The following TPR variants were observed in gnomAD, a reference collection of about 807,000 sequenced individuals.
The protein encoded by TPR is translocated promoter region, nuclear basket protein.
In TPR, 51 loss-of-function variants were observed where a neutral mutation model predicts 316.1. The observed-to-expected ratio is 0.16, with a 90% CI of 0.13 to 0.20. The LOEUF (loss-of-function observed/expected upper bound fraction) is 0.20. Among genes scored for constraint, TPR ranks in the 10% least tolerant of loss-of-function variants. The probability of loss-of-function intolerance (pLI) is 1.00; values close to 1 mark genes in which losing one functional copy is unlikely to be tolerated. For synonymous variants in TPR, 981 were observed against 914.7 expected (o/e 1.07, Z -1.31); for missense variants, 2,272 against 2,754.8 (o/e 0.82, Z 3.92).
Position 186,312,218 on chromosome 1 carries a change from G to C in TPR, c.*1753C>G. ...ATATTTATAAACAGGAACCTGTACA[G>C]AAGTGCCCTGGAAGAAGGCCTGCTC... On this transcript the variant is annotated 3_prime_UTR_variant, in exon 51 of 51. Transcript: ENST00000367478. The C allele has an allele frequency of 6.2e-7, 1 of 1,614,008 alleles. No individual in the cohort carries two copies. Among genetic ancestry groups the C allele is most frequent in the Non-Finnish European group, 8.5e-7 (1 of 1,179,954 alleles).
At chr1:186,347,494 T>G in intron 21 of TPR, 36 bp from the exon 22 acceptor site, 1 of 1,602,272 alleles carries the variant, frequency 6.2e-7, no homozygotes, top group Non-Finnish European at 8.5e-7. Context: ...AATTAACATT[T>G]TCAATAGTAT....
intron 13 of TPR, 31 bp downstream of exon 13, chr1:186,358,512 A>G (rs535516773): frequency 6.7e-5 from 105 of 1,575,952 alleles, no homozygotes; most frequent in Non-Finnish European, 8.4e-5. Flanking sequence ...CAGGTTTTTA[A>G]AAGTAGGAAA....
At chr1:186,332,380 A>G (rs758178149) in intron 37 of TPR, 37 bp from the exon 38 acceptor site, 7 of 1,603,148 alleles carry the variant, frequency 4.4e-6, no homozygotes, top group Non-Finnish European at 5.1e-6. Flanking sequence ...AGAGCATGAT[A>G]ATAACTCAAT....
intron 18 of TPR, among the ~76,000 whole-genome samples, chr1:186,353,019 T>A (rs1658910495): frequency 6.6e-6 from 1 of 152,216 alleles, no homozygotes; most frequent in South Asian, 2.1e-4. Flanking sequence ...TTCAGAAATA[T>A]AAATTCAATG....
intron 41 of TPR, 82 bp downstream of exon 41, chr1:186,326,022 G>C: frequency 6.3e-7 from 1 of 1,584,452 alleles, no homozygotes. Flanking sequence ...AATTTCATAA[G>C]CCTTTCTATA....
chr1:186,333,331 C>A lies in TPR; in HGVS notation c.5246G>T (p.Arg1749Leu). 6.2e-7 allele frequency: 1 copy of A among 1,613,600 alleles called. No homozygotes were observed. Among genetic ancestry groups the A allele is most frequent in the Non-Finnish European group, 8.5e-7 (1 of 1,179,686 alleles). The stretch of plus-strand genomic sequence containing the variant: ...AGGCTGGACATTAGGACTAGTAGAA[C>A]GAACGGATCCACTTGTGCTTCCAAA... ...PVFGSTSGSV[R>L]STSPNVQPSI... is the part of the protein sequence containing the mutation. The change falls in exon 37 of 51, where the codon CGT (arginine) becomes CTT (leucine). Residue 1749 changes from arginine (R) to leucine (L), a missense_variant. Arg to Leu is a moderately radical substitution (Grantham distance 102, BLOSUM62 -2). Transcript: ENST00000367478.
At chr1:186,336,781 A>C in intron 32 of TPR, 87 bp from the exon 33 acceptor site, 1 of 1,438,448 alleles carries the variant, frequency 7.0e-7, no homozygotes, top group Non-Finnish European at 9.3e-7. Flanking sequence ...ATAACTTATT[A>C]ATTTGCTTTT....
Position 186,347,872 on chromosome 1 carries a change from A to T in TPR, c.2777-414T>A, listed in dbSNP as rs61181518. ...TTTCATCTTAATATGGACATTTATC[A>T]GTTCTCAAATAATACTTTTATAATT... On this transcript the variant is annotated intron_variant, in intron 21 of 50. Coordinates refer to ENST00000367478, the MANE Select transcript of TPR (RefSeq NM_003292.3). Among the ~76,000 whole-genome samples, 1,060 of 152,300 alleles carry T rather than the reference A, an allele frequency of 7.0e-3. 21 individuals are homozygous for T. The highest frequency in any genetic ancestry group is 0.025 in the African/African-American group (1,022 of 41,558).
chr1:186,344,883 T>C (rs777596827), intron 24 of TPR, among the ~76,000 whole-genome samples: 27 of 152,168 alleles, frequency 1.8e-4, no homozygotes, highest in Non-Finnish European at 3.4e-4. Flanking sequence ...CTTTGAAGCA[T>C]TTCTTCCCTG....
intron 3 of TPR, among the ~76,000 whole-genome samples, chr1:186,370,173 T>C (rs1343300507): frequency 6.6e-6 from 1 of 152,160 alleles, no homozygotes; most frequent in African/African-American, 2.4e-5. Flanking sequence ...ACTTCCTTTT[T>C]TTAGAAGCAT....
Position 186,358,523 on chromosome 1 carries a change from A to C in TPR, c.1497+20T>G. ...CAGTCAGGTTTTTAAAAGTAGGAAA[A>C]CAAACAAAAAAATTCTAACCTGTTG... On this transcript the variant is annotated intron_variant, in intron 13 of 50. Coordinates refer to ENST00000367478, the MANE Select transcript of TPR (RefSeq NM_003292.3). 1 of 1,599,614 alleles carries C rather than the reference A, an allele frequency of 6.3e-7. No individual in the cohort carries two copies. Among genetic ancestry groups the C allele is most frequent in the Non-Finnish European group, 8.5e-7 (1 of 1,172,904 alleles).
intron 20 of TPR, 126 bp from the exon 21 acceptor site, chr1:186,350,514 T>C: frequency 3.1e-6 from 2 of 655,504 alleles, no homozygotes; most frequent in South Asian, 5.7e-5. Flanking sequence ...CCGTCACACC[T>C]GAAACAGCCA....
Position 186,374,868 on chromosome 1 carries a change from T to G in TPR, c.151+10A>C. 6.3e-7 allele frequency: 1 copy of G among 1,587,972 alleles called. No individual in the cohort carries two copies. Among genetic ancestry groups the G allele is most frequent in the Non-Finnish European group, 8.6e-7 (1 of 1,159,950 alleles). On this transcript the variant is annotated intron_variant, in intron 1 of 50. Coordinates refer to ENST00000367478, the MANE Select transcript of TPR (RefSeq NM_003292.3). ...CCCAAAACCAAGGACGGAAAGAGCATCTCACTTACCGCTCTCCACCTTAAA... is the reference window on the plus strand; with the variant it reads ...CCCAAAACCAAGGACGGAAAGAGCAGCTCACTTACCGCTCTCCACCTTAAA...
intron 29 of TPR, among the ~76,000 whole-genome samples, chr1:186,340,169 T>C (rs1658469622): frequency 6.6e-6 from 1 of 152,184 alleles, no homozygotes; most frequent in Non-Finnish European, 1.5e-5. Context: ...AAACCTTCTG[T>C]AGATGCCAGG....
chr1:186,341,172 C>A lies in TPR; in HGVS notation c.3889-13G>T. 6.2e-7 allele frequency: 1 copy of A among 1,613,044 alleles called. No individual in the cohort carries two copies. Among genetic ancestry groups the A allele is most frequent in the Admixed American group, 1.7e-5 (1 of 59,762 alleles). On this transcript the variant is annotated splice_polypyrimidine_tract_variant and intron_variant, in intron 28 of 50. Coordinates refer to ENST00000367478, the MANE Select transcript of TPR (RefSeq NM_003292.3). Reference sequence around the variant, plus strand: ...CCAGTTTCCTCACCTGAAAATCATGCCAATATTTAACAACAAATGTAAAAA... The same window carrying A: ...CCAGTTTCCTCACCTGAAAATCATGACAATATTTAACAACAAATGTAAAAA...
Position 186,336,597 on chromosome 1 carries a change from C to G in TPR, c.4604G>C (p.Arg1535Thr). 6.2e-7 allele frequency: 1 copy of G among 1,613,868 alleles called. No homozygotes were observed. Among genetic ancestry groups the G allele is most frequent in the Non-Finnish European group, 8.5e-7 (1 of 1,179,892 alleles). ...TCGGAGCTGCTCCTCCTGTGTGGTT[C>G]TATCTTGAAGATCCTGACGAAGTCG... ...LSRLRQDLQDRTTQEEQLRQQ... is the reference protein window; with the variant it reads ...LSRLRQDLQDTTTQEEQLRQQ... Residue 1535 changes from arginine (R) to threonine (T), a missense_variant, in exon 33 of 51, where the codon AGA (arginine) becomes ACA (threonine). Arg to Thr is a moderately conservative substitution (Grantham distance 71). Transcript: ENST00000367478.
In TPR at chr1:186,332,204, T is replaced by C. The variant is rs754815227; in HGVS notation, c.5595A>G (p.Val1865=). The C allele has an allele frequency of 8.1e-6, 13 of 1,610,004 alleles. No individual in the cohort carries two copies. Among genetic ancestry groups the C allele is most frequent in the Non-Finnish European group, 1.1e-5 (13 of 1,178,590 alleles). The change falls in exon 38 of 51, where the codon GTA becomes GTG. Residue 1865 remains valine (V), a synonymous_variant. Transcript: ENST00000367478. The part of the protein sequence containing the change: ...LPKKLKSVTP[V]GTEEEVMAEE... ...AAAGAACTTTACGCACCTCAGTTCCTACAGGTGTGACACTTTTCAACTTCT... is the reference window on the plus strand; with the variant it reads ...AAAGAACTTTACGCACCTCAGTTCCCACAGGTGTGACACTTTTCAACTTCT...
intron 20 of TPR, 28 bp downstream of exon 20, chr1:186,351,302 C>A: frequency 6.3e-7 from 1 of 1,580,904 alleles, no homozygotes; most frequent in South Asian, 1.2e-5. Context: ...AAACACCCTA[C>A]AGAAATTCAG....
chr1:186,326,231 T>C lies in TPR; in HGVS notation c.5894A>G (p.Tyr1965Cys). 6.2e-7 allele frequency: 1 copy of C among 1,607,862 alleles called. No individual in the cohort carries two copies. Among genetic ancestry groups the C allele is most frequent in the South Asian group, 1.1e-5 (1 of 90,514 alleles). The stretch of plus-strand genomic sequence containing the variant: ...ATCATCATCTTCCTCATCCTCTTCA[T>C]AATCCTAGTAGAAAGTTCCCCAGGC... ...DDENDGEHED[Y>C]EEDEEDDDDD... is the part of the protein sequence containing the mutation. Residue 1965 changes from tyrosine (Y) to cysteine (C), a missense_variant, in exon 41 of 51, where the codon TAT becomes TGT. Physicochemically the swap from Tyr to Cys is radical, Grantham distance 194 (BLOSUM62 -2). Transcript: ENST00000367478.
Sources: allele counts gnomAD v4.1 joint callset (sites outside exome capture counted in the v4.1 genomes callset), GRCh38; gene constraint gnomAD v4.1.1; transcripts MANE v1.5; gene names NCBI Gene and HGNC (gene_info 2026-07-23, HGNC 2026-07-21).